TUSC3: variants seen among roughly 807,000 people sequenced by gnomAD.
The protein encoded by TUSC3 is tumor suppressor candidate 3.
Under a neutral mutation model 44.8 loss-of-function variants are expected in TUSC3, and 45 were observed. The ratio of observed to expected loss-of-function variants is 1.00; its 90% CI spans 0.79 to 1.29. The LOEUF is 1.29. Ranked by LOEUF, TUSC3 falls within the 50% of genes most tolerant of loss-of-function variation. TUSC3 has a pLI of 0.00. For synonymous variants in TUSC3, 212 were observed against 152.9 expected (o/e 1.39, Z -2.85); for missense variants, 519 against 437.9 (o/e 1.19, Z -1.65).
intron 1 of TUSC3, among the ~76,000 whole-genome samples, chr8:15,581,168 T>G (rs1352661554): frequency 8.2e-6 from 1 of 121,624 alleles, no homozygotes; most frequent in Non-Finnish European, 1.7e-5. Flanking sequence ...TTCAGCTCCA[T>G]CAGCTCCTTT....
At chr8:15,661,437 C>T (rs953232823) in intron 4 of TUSC3, among the ~76,000 whole-genome samples, 3 of 151,930 alleles carry the variant, frequency 2.0e-5, no homozygotes, top group African/African-American at 7.2e-5. Context: ...ATAGAGTGAT[C>T]CTCATTTGAT....
chr8:15,468,188 G>A (rs372248265), intron 1 of TUSC3, among the ~76,000 whole-genome samples: 1 of 152,160 alleles, frequency 6.6e-6, no homozygotes, highest in South Asian at 2.1e-4. Context: ...ATTTCGTTTG[G>A]TTGGTTGGTT....
chr8:15,774,430 A>G, the TUSC3 span, among the ~76,000 whole-genome samples: 23 of 152,194 alleles, frequency 1.5e-4, no homozygotes, highest in African/African-American at 5.5e-4. Context: ...AAACCATATA[A>G]AGATGGATGA....
chr8:15,563,311 G>A (rs1490000535), intron 1 of TUSC3, among the ~76,000 whole-genome samples: 1 of 152,124 alleles, frequency 6.6e-6, no homozygotes, highest in Non-Finnish European at 1.5e-5. Flanking sequence ...TTGCAATGGT[G>A]TGAACCTGTT....
In TUSC3 at chr8:15,484,510, T is replaced by C. The variant is rs565601115; in HGVS notation, n.189+1027T>C. On this transcript the variant is annotated intron_variant and non_coding_transcript_variant, in intron 2 of 5. Transcript: ENST00000503191. ...CGAAATAATCCCATAAAAAATATTT[T>C]TGTGAGATACATCTAAGTATTCAGA... Among the ~76,000 whole-genome samples the C allele has an allele frequency of 2.6e-5, 4 of 152,388 alleles. No individual in the cohort carries two copies. The East Asian group carries it at 7.7e-4, about 29-fold the overall frequency.
At chr8:15,491,131 A>G (rs1800804317) in intron 2 of TUSC3, among the ~76,000 whole-genome samples, 4 of 152,206 alleles carry the variant, frequency 2.6e-5, no homozygotes, top group Admixed American at 6.5e-5. Flanking sequence ...ATTTTTATAT[A>G]AGATAAAATA....
At chr8:15,469,348 A>T (rs553606436) in intron 1 of TUSC3, among the ~76,000 whole-genome samples, 2 of 152,346 alleles carry the variant, frequency 1.3e-5, no homozygotes, top group South Asian at 2.1e-4. Flanking sequence ...TGGGCCGAAG[A>T]TCTGAATGGA....
At chr8:15,437,564 G>T (rs183382657) in intron 1 of TUSC3, among the ~76,000 whole-genome samples, 1 of 152,292 alleles carries the variant, frequency 6.6e-6, no homozygotes, top group Admixed American at 6.5e-5. Flanking sequence ...AAAGCATTAA[G>T]AAACTGTAGT....
rs564375599 is a variant in TUSC3 at position 15,582,734 on chromosome 8, G to T, written c.139-40346G>T. 3.9e-5 allele frequency among the ~76,000 whole-genome samples: 6 copies of T among 152,324 alleles called. No homozygotes were observed. In the East Asian group the frequency reaches 9.6e-4, roughly 24 times the overall value. On this transcript the variant is annotated intron_variant, in intron 1 of 10. Coordinates refer to ENST00000503731, the MANE Select transcript of TUSC3 (RefSeq NM_006765.4). ...AACTGCCTGGTGTAACCTGAAACCA[G>T]TTTTATCTAATAGCTGCTGGAACAA...
chr8:15,789,251 T>G, the TUSC3 span, among the ~76,000 whole-genome samples: 1 of 152,176 alleles, frequency 6.6e-6, no homozygotes, highest in Non-Finnish European at 1.5e-5. Context: ...ATCTCAGCAG[T>G]TGCTTGCAAT....
chr8:15,809,788 T>C, the TUSC3 span, among the ~76,000 whole-genome samples: 5 of 152,236 alleles, frequency 3.3e-5, no homozygotes, highest in Non-Finnish European at 7.3e-5. Flanking sequence ...TGTAATTATA[T>C]TACTTAACAG....
intron 6 of TUSC3, among the ~76,000 whole-genome samples, chr8:15,708,814 G>C (rs1311541192): frequency 6.6e-6 from 1 of 151,838 alleles, no homozygotes; most frequent in East Asian, 1.9e-4. Flanking sequence ...AAGTGAAACA[G>C]AAAACAGTCC....
chr8:15,849,134 C>A, the TUSC3 span, among the ~76,000 whole-genome samples: 116 of 152,198 alleles, frequency 7.6e-4, 1 homozygote, highest in East Asian at 0.019. Flanking sequence ...ATACTACATT[C>A]GATCAAAATT....
chr8:15,715,111 A>T (rs1434996176), intron 6 of TUSC3, among the ~76,000 whole-genome samples: 1 of 152,084 alleles, frequency 6.6e-6, no homozygotes, highest in Non-Finnish European at 1.5e-5. Context: ...CTGTTCTGAT[A>T]ATTAAATTAA....
the TUSC3 span, among the ~76,000 whole-genome samples, chr8:15,848,367 C>G: frequency 6.6e-6 from 1 of 152,192 alleles, no homozygotes; most frequent in Non-Finnish European, 1.5e-5. Context: ...TTGGAACAGG[C>G]TCTGTTCCAG....
chr8:15,785,387 A>C, the TUSC3 span, among the ~76,000 whole-genome samples: 1 of 151,986 alleles, frequency 6.6e-6, no homozygotes, highest in Non-Finnish European at 1.5e-5. Context: ...CTTAGCCTAG[A>C]TATCTTTAAA....
At chr8:15,453,544 C>A (rs966670102) in intron 1 of TUSC3, among the ~76,000 whole-genome samples, 1 of 152,210 alleles carries the variant, frequency 6.6e-6, no homozygotes, top group Non-Finnish European at 1.5e-5. Flanking sequence ...AAATCACTTT[C>A]TTCTCCCATC....
chr8:15,423,060 C>G (rs1464526595), intron 1 of TUSC3, among the ~76,000 whole-genome samples: 2 of 152,048 alleles, frequency 1.3e-5, no homozygotes, highest in Non-Finnish European at 2.9e-5. Context: ...ATAGAAATTT[C>G]TATCAAAACA....
At chr8:15,698,900 C>T (rs987814001) in intron 6 of TUSC3, among the ~76,000 whole-genome samples, 1 of 149,752 alleles carries the variant, frequency 6.7e-6, no homozygotes, top group Admixed American at 6.7e-5. Context: ...GGCTGGAGTT[C>T]AGTGGCGTGA....
Sources: gnomAD v4.1 joint callset for allele counts (sites outside exome capture counted in the v4.1 genomes callset) on GRCh38, gnomAD v4.1.1 for gene constraint, MANE v1.5 for transcripts, NCBI Gene and HGNC (gene_info 2026-07-23, HGNC 2026-07-21) for gene names.